RFLNA: variants seen among roughly 807,000 people sequenced by gnomAD.
RFLNA encodes refilin-A.
RFLNA carries 5 observed loss-of-function variants against 7.8 expected under a neutral mutation model. The ratio of observed to expected loss-of-function variants is 0.64; its 90% CI spans 0.34 to 1.35. The LOEUF is 1.35. Ranked by LOEUF, RFLNA falls within the 40% of genes most tolerant of loss-of-function variation. The pLI is 0.04. For missense variants in RFLNA, 278 were observed against 305.5 expected (o/e 0.91, Z 0.67); for synonymous variants, 141 against 131.3 (o/e 1.07, Z -0.50).
chr12:124,305,627 C>T (rs954178443), intron 1 of RFLNA, among the ~76,000 whole-genome samples: 8 of 152,162 alleles, frequency 5.3e-5, no homozygotes, highest in Non-Finnish European at 1.0e-4. Context: ...GGCTTGTGGC[C>T]CCTTCCTCCT....
At position 124,304,247 on chromosome 12, in the gene RFLNA, C is replaced by T. The variant is rs193027095; in HGVS notation, c.208-7571C>T. Among the ~76,000 whole-genome samples, 1,210 of 152,314 alleles carry T rather than the reference C, an allele frequency of 7.9e-3. 18 individuals are homozygous for T. Among genetic ancestry groups the T allele is most frequent in the African/African-American group, 0.028 (1,169 of 41,564 alleles). The stretch of plus-strand genomic sequence containing the variant: ...CTTGGTGTCCAGCCCTGCAGCTCCG[C>T]GGGAGTGTCCTGGGCCTTGGCGGGG... On this transcript the variant is annotated intron_variant, in intron 1 of 2. Transcript: ENST00000546355.
chr12:124,290,295 TGTTA>T (rs1308282536), upstream of RFLNA, among the ~76,000 whole-genome samples: 1 of 152,192 alleles, frequency 6.6e-6, no homozygotes, highest in Non-Finnish European at 1.5e-5. The surrounding 1 kb of genome is among the most constrained non-coding windows in gnomAD (Gnocchi z 4.0). Context: ...TATGTGCATG[TGTTA>T]GTGTGTATAT....
intron 2 of RFLNA, 89 bp downstream of exon 2, chr12:124,312,016 A>T (rs1312136344): frequency 2.9e-6 from 4 of 1,401,902 alleles, no homozygotes; most frequent in African/African-American, 1.5e-5. Flanking sequence ...GGTGGGGACT[A>T]GGCCAAGCTG....
At chr12:124,308,641 C>T (rs2034180373) in intron 1 of RFLNA, among the ~76,000 whole-genome samples, 1 of 152,244 alleles carries the variant, frequency 6.6e-6, no homozygotes, top group Admixed American at 6.5e-5. Context: ...TTCCTGCCTC[C>T]ACCCCAGGTA....
intron 1 of RFLNA, 72 bp from the exon 2 acceptor site, chr12:124,311,746 T>G: frequency 7.4e-7 from 1 of 1,352,094 alleles, no homozygotes; most frequent in Non-Finnish European, 9.8e-7. Context: ...GGTGGTCCTG[T>G]GTGCCCAGCA....
chr12:124,312,244 C>T lies in RFLNA; in HGVS notation c.317+317C>T, dbSNP rs529526899. ...AAAAGGCTTTTATTTTAAATCCAAC[C>T]TCTCAGAAAAAATGGAAAATTATGA... is the stretch of plus-strand genomic sequence containing the variant. On this transcript the variant is annotated intron_variant, in intron 2 of 2. Coordinates refer to ENST00000546355, the MANE Select transcript of RFLNA (RefSeq NM_001365156.1). Among the ~76,000 whole-genome samples, 7 of 152,232 alleles carry T rather than the reference C, an allele frequency of 4.6e-5. No individual in the cohort carries two copies. The South Asian group carries it at 8.3e-4, about 18-fold the overall frequency.
At position 124,307,898 on chromosome 12, in the gene RFLNA, T is replaced by A. The variant is rs1471827783; in HGVS notation, c.208-3920T>A. The stretch of plus-strand genomic sequence containing the variant: ...GAGGCTCCTTCCTGCCTCTCTGGCT[T>A]CTGGTGGCTCCAGGTGCTCCTTGGC... On this transcript the variant is annotated intron_variant, in intron 1 of 2. Coordinates refer to ENST00000546355, the MANE Select transcript of RFLNA (RefSeq NM_001365156.1). 2.6e-5 allele frequency among the ~76,000 whole-genome samples: 4 copies of A among 152,104 alleles called. No homozygotes were observed. In the East Asian group the frequency reaches 7.7e-4, roughly 29 times the overall value.
upstream of RFLNA, among the ~76,000 whole-genome samples, chr12:124,291,116 G>A (rs977652661): frequency 2.6e-5 from 4 of 152,196 alleles, no homozygotes; most frequent in Non-Finnish European, 4.4e-5. Context: ...CCCACTGACA[G>A]CCTTCCCCCA....
At chr12:124,304,412 A>C (rs2034102598) in intron 1 of RFLNA, among the ~76,000 whole-genome samples, 2 of 152,178 alleles carry the variant, frequency 1.3e-5, no homozygotes. Context: ...ACCCTTTGGC[A>C]AATGGTGCCC....
In RFLNA at chr12:124,295,598, G is replaced by A; in HGVS notation, c.169G>A (p.Ala57Thr). 8.2e-7 allele frequency: 1 copy of A among 1,216,816 alleles called. No individual in the cohort carries two copies. The highest frequency in any genetic ancestry group is 1.0e-6 in the Non-Finnish European group (1 of 980,742). 75.4% of individuals were successfully genotyped at this position (1,216,816 alleles called of 1,614,324 possible). ...ILDARAGGAGASSEPPGPSEA... is the reference protein window; with the variant it reads ...ILDARAGGAGTSSEPPGPSEA... ...CGACGCGCGCGCGGGGGGCGCCGGC[G>A]CCTCCTCGGAGCCCCCGGGACCCAG... Residue 57 changes from alanine to threonine, a missense_variant, in exon 1 of 3, where the codon GCC (alanine) becomes ACC (threonine). Coordinates refer to ENST00000546355, the MANE Select transcript of RFLNA (RefSeq NM_001365156.1).
chr12:124,303,295 C>T (rs1440792653), intron 1 of RFLNA, among the ~76,000 whole-genome samples: 1 of 152,182 alleles, frequency 6.6e-6, no homozygotes, highest in Non-Finnish European at 1.5e-5. Context: ...TGTACTTTGA[C>T]TTCCAGCCAG....
chr12:124,306,164 G>A lies in RFLNA; in HGVS notation c.208-5654G>A, dbSNP rs1157544838. On this transcript the variant is annotated intron_variant, in intron 1 of 2. Coordinates refer to ENST00000546355, the MANE Select transcript of RFLNA (RefSeq NM_001365156.1). This position sits in a 1 kb window ranked among gnomAD's most constrained non-coding sequence, Gnocchi z 5.2. ...TCTCCCCTCCCCATAGTGCAGGGGC[G>A]GAGAGGTGCCAGGTCCTGGGCTTAG... Among the ~76,000 whole-genome samples, 2 of 151,962 alleles carry A rather than the reference G, an allele frequency of 1.3e-5. No homozygotes were observed. Among genetic ancestry groups the A allele is most frequent in the African/African-American group, 2.4e-5 (1 of 41,374 alleles).
intron 2 of RFLNA, among the ~76,000 whole-genome samples, chr12:124,312,665 C>T (rs2034266579): frequency 6.6e-6 from 1 of 152,166 alleles, no homozygotes; most frequent in African/African-American, 2.4e-5. Context: ...TCAGGACCGC[C>T]TTCCACTCTG....
rs372272243 is a variant in RFLNA, at chr12:124,304,913, A to G, written c.208-6905A>G. 7.3e-3 allele frequency among the ~76,000 whole-genome samples: 1,115 copies of G among 152,298 alleles called. 9 individuals are homozygous for G. The highest frequency in any genetic ancestry group is 0.012 in the Non-Finnish European group (828 of 68,016). On this transcript the variant is annotated intron_variant, in intron 1 of 2. Coordinates refer to ENST00000546355, the MANE Select transcript of RFLNA (RefSeq NM_001365156.1). ...ATCTCACTCCCACAGGGCCCAGCAC[A>G]CAGTAGGTGCTCAGCAAACAAACAC...
chr12:124,314,737 A>T lies in RFLNA; in HGVS notation c.*212A>T, dbSNP rs1240286469. Reference sequence around the variant, plus strand: ...CTCCTTGTTTTGGTGTCAAGGACTCAGTAAAAGCATCTATTTTTTTAGCAC... The same window carrying T: ...CTCCTTGTTTTGGTGTCAAGGACTCTGTAAAAGCATCTATTTTTTTAGCAC... On this transcript the variant is annotated 3_prime_UTR_variant, in exon 3 of 3. Coordinates refer to ENST00000546355, the MANE Select transcript of RFLNA (RefSeq NM_001365156.1). 1 of 840,266 alleles carries T rather than the reference A, an allele frequency of 1.2e-6. No homozygotes were observed. The highest frequency in any genetic ancestry group is 1.7e-5 in the African/African-American group (1 of 59,816). 52.1% of individuals were successfully genotyped at this position (840,266 alleles called of 1,614,324 possible). A position where few individuals can be genotyped will look rare whatever the true frequency, so the allele number is the denominator to read the frequency against.
rs537888368 is a variant in RFLNA at position 124,314,519 on chromosome 12, G to A, written c.645G>A (p.Thr215=). ...CCCCCAGCCTCCTGGGCCCTGCCAC[G>A]CTCTGACGGGGCTGGGGCCGGCCCG... ...DPAPSLLGPA[T]L is the part of the protein sequence containing the mutation. The change falls in exon 3 of 3, where the codon ACG becomes ACA. Residue 215 remains threonine (T), a synonymous_variant. Transcript: ENST00000546355. 1.4e-4 allele frequency: 218 copies of A among 1,577,316 alleles called. No individual in the cohort carries two copies. The East Asian group carries it at 2.4e-3, about 17-fold the overall frequency.
At chr12:124,314,170 G>T in intron 2 of RFLNA, 22 bp from the exon 3 acceptor site, 2 of 1,599,392 alleles carry the variant, frequency 1.3e-6, no homozygotes, top group Non-Finnish European at 1.7e-6. Context: ...GGTTCACTCC[G>T]CTTCCCTCCT....
intron 1 of RFLNA, among the ~76,000 whole-genome samples, chr12:124,301,115 A>T (rs2034029534): frequency 6.6e-6 from 1 of 152,188 alleles, no homozygotes; most frequent in South Asian, 2.1e-4. Context: ...GAAGACAGCC[A>T]GGTATGTCAG....
chr12:124,309,436 G>A (rs2034197911), intron 1 of RFLNA, among the ~76,000 whole-genome samples: 1 of 152,248 alleles, frequency 6.6e-6, no homozygotes, highest in Admixed American at 6.5e-5. Context: ...ACAGAGCGCA[G>A]TGCCGGCACA....
Sources: allele counts gnomAD v4.1 joint callset (sites outside exome capture counted in the v4.1 genomes callset), GRCh38; gene constraint gnomAD v4.1.1; non-coding constraint Gnocchi (gnomAD v3.1); transcripts MANE v1.5; gene names NCBI Gene and HGNC (gene_info 2026-07-23, HGNC 2026-07-21).